The following LNP1 variants were observed in gnomAD, a reference collection of about 807,000 sequenced individuals.
LNP1 encodes leukemia NUP98 fusion partner 1.
A neutral mutation model predicts 14.5 loss-of-function variants in LNP1; 12 were observed. That is an observed-to-expected ratio of 0.83 (90% confidence interval 0.53 to 1.34). LNP1 has a LOEUF of 1.34. Ranked by LOEUF, LNP1 falls within the 40% of genes most tolerant of loss-of-function variation. The pLI is 0.00. For missense variants in LNP1, 198 were observed against 210.9 expected (o/e 0.94, Z 0.38); for synonymous variants, 75 against 71.4 (o/e 1.05, Z -0.26).
At position 100,455,995 on chromosome 3, in the gene LNP1, A is replaced by C; in HGVS notation, c.*69A>C. 6.6e-7 allele frequency: 1 copy of C among 1,518,862 alleles called. No individual in the cohort carries two copies. Among genetic ancestry groups the C allele is most frequent in the Non-Finnish European group, 8.9e-7 (1 of 1,125,002 alleles). The allele number at this position is 1,518,862 out of a possible 1,614,324, so 94.1% of individuals were successfully genotyped here. ...TTTTTTCTTTGAGCCCCAATTCACC[A>C]TTTCAGGATGTGGATGGGGGCGGGG... On this transcript the variant is annotated 3_prime_UTR_variant, in exon 4 of 4. Transcript: ENST00000383693.
intron 1 of LNP1, among the ~76,000 whole-genome samples, chr3:100,421,587 C>T (rs560144463): frequency 2.0e-5 from 3 of 152,116 alleles, no homozygotes; most frequent in Non-Finnish European, 4.4e-5. Context: ...TTAGCCTGAT[C>T]TCCAGTTGTT....
intron 2 of LNP1, among the ~76,000 whole-genome samples, chr3:100,439,756 T>C (rs777247245): frequency 1.2e-4 from 19 of 152,154 alleles, no homozygotes; most frequent in Non-Finnish European, 8.8e-5. Context: ...CCATCTCTAA[T>C]AGCCTGTTTT....
intron 1 of LNP1, among the ~76,000 whole-genome samples, chr3:100,417,379 T>C (rs1212104235): frequency 5.3e-5 from 7 of 132,796 alleles, no homozygotes; most frequent in Admixed American, 3.8e-4. Context: ...TTCTTTTTTT[T>C]TTTTTTTTTT....
At chr3:100,404,656 T>G (rs1706945988) in intron 1 of LNP1, among the ~76,000 whole-genome samples, 2 of 152,202 alleles carry the variant, frequency 1.3e-5, no homozygotes. Flanking sequence ...TCTATATATC[T>G]TTTGGCATAG....
chr3:100,438,533 G>T (rs781698752), intron 2 of LNP1, among the ~76,000 whole-genome samples: 2 of 152,146 alleles, frequency 1.3e-5, no homozygotes, highest in African/African-American at 4.8e-5. Flanking sequence ...CATTTTATGG[G>T]TTTGTACAAA....
rs1185880306 is a variant in LNP1, at chr3:100,414,033, C to CA, written c.-34+11605dup. On this transcript the variant is annotated intron_variant, in intron 1 of 3. Transcript: ENST00000383693. ...AAATTTTGAAAAACATTCAAAGCTG[C>CA]AAAAAAAAAAATAGTTTCTGTAACT... is the stretch of plus-strand genomic sequence containing the variant. 6.3e-3 allele frequency among the ~76,000 whole-genome samples: 922 copies of CA among 145,510 alleles called. 7 individuals are homozygous for CA. Among genetic ancestry groups the CA allele is most frequent in the African/African-American group, 0.019 (756 of 39,764 alleles).
intron 2 of LNP1, among the ~76,000 whole-genome samples, chr3:100,434,087 A>G (rs1707268595): frequency 1.3e-5 from 2 of 152,082 alleles, no homozygotes; most frequent in African/African-American, 2.4e-5. Flanking sequence ...CTATTTGTCA[A>G]TTTTGGCTTC....
intron 3 of LNP1, 132 bp downstream of exon 3, chr3:100,452,081 G>T (rs1707465558): frequency 1.8e-6 from 1 of 552,776 alleles, no homozygotes; most frequent in African/African-American, 1.9e-5. Context: ...TTTGAAAAAT[G>T]ACATTCAGTT....
chr3:100,438,813 G>A (rs1419804444), intron 2 of LNP1, among the ~76,000 whole-genome samples: 2 of 152,182 alleles, frequency 1.3e-5, no homozygotes, highest in Non-Finnish European at 2.9e-5. Flanking sequence ...GGTGAGCTCA[G>A]AGTGTGAGAA....
At chr3:100,428,090 G>C (rs1707211105) in intron 1 of LNP1, among the ~76,000 whole-genome samples, 1 of 152,158 alleles carries the variant, frequency 6.6e-6, no homozygotes, top group Non-Finnish European at 1.5e-5. Flanking sequence ...GAAAGAGCCT[G>C]GACTTTGTTT....
chr3:100,452,284 C>T (rs1397967396), intron 3 of LNP1, among the ~76,000 whole-genome samples: 1 of 149,754 alleles, frequency 6.7e-6, no homozygotes, highest in Non-Finnish European at 1.5e-5. Context: ...CTCACTGCAG[C>T]CTCGAACTCC....
At chr3:100,415,515 T>C (rs958302737) in intron 1 of LNP1, among the ~76,000 whole-genome samples, 1 of 152,216 alleles carries the variant, frequency 6.6e-6, no homozygotes, top group Non-Finnish European at 1.5e-5. Context: ...AAAAATGGAA[T>C]TGTAAATTGA....
chr3:100,447,376 A>T (rs1232882004), intron 2 of LNP1, among the ~76,000 whole-genome samples: 1 of 151,912 alleles, frequency 6.6e-6, no homozygotes, highest in African/African-American at 2.4e-5. Context: ...GCATGTTCTC[A>T]CTCATAGGTG....
chr3:100,433,096 C>T (rs192301910), intron 2 of LNP1, among the ~76,000 whole-genome samples: 7 of 152,246 alleles, frequency 4.6e-5, no homozygotes, highest in South Asian at 4.1e-4. Flanking sequence ...ATGTGCAGAA[C>T]GTGCAGGTTT....
chr3:100,403,739 G>A (rs1328006416), intron 1 of LNP1, among the ~76,000 whole-genome samples: 1 of 152,180 alleles, frequency 6.6e-6, no homozygotes, highest in African/African-American at 2.4e-5. Flanking sequence ...ATGCCCAGCT[G>A]ACCTGAATTC....
intron 1 of LNP1, among the ~76,000 whole-genome samples, chr3:100,420,743 T>G (rs1280338458): frequency 2.0e-5 from 3 of 152,288 alleles, no homozygotes; most frequent in Admixed American, 2.0e-4. Flanking sequence ...AGTCTTTATC[T>G]TACTTTTTTC....
chr3:100,422,803 CTTTTTTTTTTTT>C (rs557593118), intron 1 of LNP1, among the ~76,000 whole-genome samples: 1,150 of 69,140 alleles, frequency 0.017, 22 homozygotes, highest in African/African-American at 0.05. Flanking sequence ...TTTGTCTCCT[CTTTTTTTTTTTT>C]TTTTTTTTTT....
At chr3:100,433,392 A>G (rs1360522602) in intron 2 of LNP1, among the ~76,000 whole-genome samples, 2 of 152,182 alleles carry the variant, frequency 1.3e-5, no homozygotes, top group African/African-American at 2.4e-5. Flanking sequence ...TGCAAAGGAC[A>G]TGATCTCATT....
intron 1 of LNP1, among the ~76,000 whole-genome samples, chr3:100,417,283 ATAT>A (rs1448603989): frequency 6.6e-6 from 1 of 151,112 alleles, no homozygotes; most frequent in African/African-American, 2.4e-5. Context: ...TATAGCAAAC[ATAT>A]TATGATATGT....
Sources: allele counts gnomAD v4.1 joint callset (sites outside exome capture counted in the v4.1 genomes callset), GRCh38; gene constraint gnomAD v4.1.1; transcripts MANE v1.5; gene names NCBI Gene and HGNC (gene_info 2026-07-23, HGNC 2026-07-21).